Variants in SYTL3 observed in about 807,000 individuals in gnomAD.
SYTL3 encodes synaptotagmin like 3.
SYTL3 carries 88 observed loss-of-function variants against 82.1 expected under a neutral mutation model. That is an observed-to-expected ratio of 1.07 (90% CI 0.90 to 1.28). The LOEUF is 1.28. Among genes scored for constraint, SYTL3 ranks in the 50% most tolerant of loss-of-function variants. The pLI is 0.00. For missense variants in SYTL3, 831 were observed against 757.6 expected (o/e 1.10, Z -1.14); for synonymous variants, 311 against 289.4 (o/e 1.07, Z -0.76).
intron 5 of SYTL3, among the ~76,000 whole-genome samples, chr6:158,679,186 A>G (rs759046643): frequency 2.0e-5 from 3 of 152,144 alleles, no homozygotes; most frequent in Admixed American, 1.3e-4. Flanking sequence ...CCTGGCCAAC[A>G]TAGTGAAACC....
chr6:158,697,735 A>G (rs1286261695), intron 6 of SYTL3, among the ~76,000 whole-genome samples: 1 of 152,146 alleles, frequency 6.6e-6, no homozygotes, highest in Non-Finnish European at 1.5e-5. Context: ...GCTGAAAAGC[A>G]GTTTAGACCT....
At chr6:158,668,677 AAG>A (rs1006077581) in intron 5 of SYTL3, among the ~76,000 whole-genome samples, 59 of 152,218 alleles carry the variant, frequency 3.9e-4, no homozygotes, top group Admixed American at 2.0e-4. Context: ...GTAAAGGTAA[AAG>A]AGCAATCTGA....
chr6:158,730,525 C>T (rs548346444), intron 11 of SYTL3, among the ~76,000 whole-genome samples: 2 of 152,328 alleles, frequency 1.3e-5, no homozygotes, highest in Admixed American at 1.3e-4. Context: ...GTCTCTAGTC[C>T]TCTCTCATGA....
At chr6:158,734,848 C>A (rs1456090763) in intron 11 of SYTL3, among the ~76,000 whole-genome samples, 1 of 152,158 alleles carries the variant, frequency 6.6e-6, no homozygotes, top group Non-Finnish European at 1.5e-5. Context: ...TTATTGAAAG[C>A]CCAAGGCAGG....
intron 5 of SYTL3, among the ~76,000 whole-genome samples, chr6:158,681,430 A>G (rs1397883458): frequency 6.6e-6 from 1 of 152,088 alleles, no homozygotes; most frequent in Non-Finnish European, 1.5e-5. Flanking sequence ...CTTTCCCATG[A>G]TTCACAAGTG....
intron 7 of SYTL3, 74 bp downstream of exon 7, chr6:158,707,355 T>A: frequency 7.4e-7 from 1 of 1,357,160 alleles, no homozygotes; most frequent in Non-Finnish European, 1.0e-6. Context: ...CAAGAACTTA[T>A]AGGTCTCTTG....
chr6:158,750,645 G>C (rs1788274743), intron 12 of SYTL3, among the ~76,000 whole-genome samples: 1 of 152,058 alleles, frequency 6.6e-6, no homozygotes, highest in South Asian at 2.1e-4. Context: ...CGGGCGTCGA[G>C]TAGCTGGGAC....
intron 4 of SYTL3, chr6:158,663,648 G>C: frequency 1.0e-6 from 1 of 976,886 alleles, no homozygotes; most frequent in Non-Finnish European, 1.2e-6. Flanking sequence ...TCTGCCATCT[G>C]CTTGTCTGTT....
At chr6:158,753,380 C>A (rs1364888906) in intron 13 of SYTL3, among the ~76,000 whole-genome samples, 2 of 151,924 alleles carry the variant, frequency 1.3e-5, no homozygotes, top group Non-Finnish European at 2.9e-5. Context: ...CCACGCCAGG[C>A]CTAAATTTCT....
At chr6:158,727,550 GAGGTTTTTACCTTATAAGGATGGAC>G (rs1271332191) in intron 11 of SYTL3, among the ~76,000 whole-genome samples, 2 of 152,122 alleles carry the variant, frequency 1.3e-5, no homozygotes, top group African/African-American at 4.8e-5. Flanking sequence ...GCATCCTTCT[GAGGTTTTTACCTTATAAGGATGGAC>G]ATAGCTGGGC....
At chr6:158,708,190 C>A in intron 7 of SYTL3, 132 bp from the exon 8 acceptor site, 1 of 833,140 alleles carries the variant, frequency 1.2e-6, no homozygotes, top group Non-Finnish European at 2.0e-6. Context: ...GCTATTTTTC[C>A]AAAAAGTGAG....
chr6:158,729,757 A>G (rs200233019), intron 11 of SYTL3, among the ~76,000 whole-genome samples: 34 of 151,844 alleles, frequency 2.2e-4, no homozygotes, highest in Middle Eastern at 3.4e-3. Context: ...TAGTAGAGAC[A>G]GGGTTTCACC....
chr6:158,652,905 T>C (rs1788209309), intron 2 of SYTL3, among the ~76,000 whole-genome samples: 1 of 152,118 alleles, frequency 6.6e-6, no homozygotes, highest in Non-Finnish European at 1.5e-5. Flanking sequence ...GTGGAGACTT[T>C]GGGAAAACAA....
chr6:158,717,315 T>A (rs1348934907), intron 9 of SYTL3, among the ~76,000 whole-genome samples: 2 of 152,272 alleles, frequency 1.3e-5, no homozygotes, highest in African/African-American at 4.8e-5. Context: ...CCTGTTTTTT[T>A]TTTTTTAACT....
chr6:158,672,288 C>CA (rs952440850), intron 5 of SYTL3, among the ~76,000 whole-genome samples: 21 of 151,292 alleles, frequency 1.4e-4, no homozygotes, highest in African/African-American at 3.1e-4. Flanking sequence ...AAGACTGTCT[C>CA]AAAAAAAAAG....
intron 11 of SYTL3, among the ~76,000 whole-genome samples, chr6:158,742,602 G>C (rs907330759): frequency 2.0e-5 from 3 of 150,042 alleles, no homozygotes; most frequent in Non-Finnish European, 4.4e-5. Context: ...TTGAGATGGA[G>C]TCTCGCTCTG....
Position 158,764,462 on chromosome 6 carries a change from C to T in SYTL3, c.1724-33C>T, listed in dbSNP as rs201613491. 8.8e-5 allele frequency: 137 copies of T among 1,548,904 alleles called. No individual in the cohort carries two copies. The Admixed American group carries it at 1.2e-3, about 13-fold the overall frequency. ...AGAGGGGATGAAGTGGTGCCCTCCCCGACCATGGCTAAATTGTCTTCCTCT... is the reference window on the plus strand; with the variant it reads ...AGAGGGGATGAAGTGGTGCCCTCCCTGACCATGGCTAAATTGTCTTCCTCT... On this transcript the variant is annotated intron_variant, in intron 17 of 17. Transcript: ENST00000611299.
intron 2 of SYTL3, among the ~76,000 whole-genome samples, chr6:158,653,460 C>T (rs773698404): frequency 3.2e-4 from 49 of 151,816 alleles, no homozygotes; most frequent in African/African-American, 1.1e-3. Context: ...GAGCCAAGAT[C>T]GCGCCATTGC....
chr6:158,656,736 A>C (rs1280200595), intron 2 of SYTL3, among the ~76,000 whole-genome samples: 1 of 151,956 alleles, frequency 6.6e-6, no homozygotes, highest in Non-Finnish European at 1.5e-5. Context: ...AAAAAAAAAA[A>C]ATCATCCACC....
Sources: gnomAD v4.1 joint callset for allele counts (sites outside exome capture counted in the v4.1 genomes callset) on GRCh38, gnomAD v4.1.1 for gene constraint, MANE v1.5 for transcripts, NCBI Gene and HGNC (gene_info 2026-07-23, HGNC 2026-07-21) for gene names.